GFM2: variants seen among roughly 807,000 people sequenced by gnomAD.
The protein encoded by GFM2 is ribosome-releasing factor 2, mitochondrial.
Under a neutral mutation model 95.4 loss-of-function variants are expected in GFM2, and 72 were observed. That is an observed-to-expected ratio of 0.76 (90% confidence interval 0.62 to 0.92). The LOEUF is 0.92. Ranked by LOEUF, GFM2 falls within the 40% of genes least tolerant of loss-of-function variation. GFM2 has a pLI of 0.00. For synonymous variants in GFM2, 276 were observed against 317.5 expected (o/e 0.87, Z 1.39); for missense variants, 825 against 924.1 (o/e 0.89, Z 1.39).
chr5:74,763,362 A>G (rs993858339), intron 2 of GFM2, among the ~76,000 whole-genome samples: 2 of 152,246 alleles, frequency 1.3e-5, no homozygotes, highest in Non-Finnish European at 2.9e-5. Context: ...ATTTGTTAGT[A>G]GTTTAAAGAT....
chr5:74,738,786 CTT>C, intron 12 of GFM2, 144 bp from the exon 13 acceptor site: 1 of 664,852 alleles, frequency 1.5e-6, no homozygotes, highest in South Asian at 2.7e-5. Context: ...ACGTAACTCT[CTT>C]CTTCCATTGA....
chr5:74,762,778 T>C (rs569368415), intron 2 of GFM2, among the ~76,000 whole-genome samples: 18 of 152,352 alleles, frequency 1.2e-4, no homozygotes, highest in African/African-American at 2.9e-4. Context: ...GTGGATATGC[T>C]GGGCAAAGGA....
chr5:74,738,465 C>CATACAGTTTTATAAA, intron 13 of GFM2, 37 bp downstream of exon 13: 2 of 1,610,356 alleles, frequency 1.2e-6, no homozygotes, highest in Non-Finnish European at 1.7e-6. Context: ...TAAAGAAGTG[C>CATACAGTTTTATAAA]ATACAGTTTT....
chr5:74,758,737 A>G (rs1744121906), intron 5 of GFM2, 112 bp downstream of exon 5: 1 of 661,168 alleles, frequency 1.5e-6, no homozygotes, highest in East Asian at 2.6e-5. Flanking sequence ...TGGATTAGAC[A>G]TCAGTAGCTC....
chr5:74,753,212 A>G (rs1259821596), intron 5 of GFM2, among the ~76,000 whole-genome samples: 1 of 152,234 alleles, frequency 6.6e-6, no homozygotes, highest in Non-Finnish European at 1.5e-5. Context: ...CAGCATAAAT[A>G]AACAATCACA....
intron 11 of GFM2, among the ~76,000 whole-genome samples, chr5:74,740,783 CT>C (rs368837264): frequency 6.6e-6 from 1 of 152,100 alleles, no homozygotes; most frequent in Non-Finnish European, 1.5e-5. Flanking sequence ...AGAAAAAATA[CT>C]TTTTTTCATT....
At chr5:74,746,976 T>TA (rs2112301997) in intron 8 of GFM2, among the ~76,000 whole-genome samples, 1 of 152,144 alleles carries the variant, frequency 6.6e-6, no homozygotes, top group East Asian at 1.9e-4. Context: ...TTAGGGGAGG[T>TA]ATAGTTTATG....
At position 74,721,761 on chromosome 5, in the gene GFM2, G is replaced by A. The variant is rs745914130; in HGVS notation, c.2234C>T (p.Thr745Met). The change falls in exon 21 of 21, where the codon ACG (threonine) becomes ATG (methionine). Residue 745 changes from threonine to methionine, a missense_variant. Coordinates refer to ENST00000296805, the MANE Select transcript of GFM2 (RefSeq NM_032380.5). ...EIMGYSTVLR[T>M]LTSGSATFAL... ...AAAAGTAGCTGAGCCTGATGTTAGC[G>A]TTCGAAGCACAGTTGAATAACCCTA... 3.7e-6 allele frequency: 6 copies of A among 1,612,870 alleles called. No individual in the cohort carries two copies. The highest frequency in any genetic ancestry group is 1.7e-5 in the Admixed American group (1 of 59,804).
At chr5:74,758,466 A>C (rs1399413500) in intron 5 of GFM2, among the ~76,000 whole-genome samples, 1 of 152,158 alleles carries the variant, frequency 6.6e-6, no homozygotes, top group African/African-American at 2.4e-5. Flanking sequence ...GGCTCCTATG[A>C]ATCTTGTCAC....
chr5:74,730,457 C>A, intron 16 of GFM2, 59 bp from the exon 17 acceptor site: 1 of 1,205,414 alleles, frequency 8.3e-7, no homozygotes, highest in Non-Finnish European at 1.1e-6. Context: ...TTGCAGAATA[C>A]TATATAAAAG....
intron 5 of GFM2, among the ~76,000 whole-genome samples, chr5:74,757,001 C>A (rs1744021129): frequency 6.6e-6 from 1 of 152,082 alleles, no homozygotes; most frequent in Admixed American, 6.6e-5. Flanking sequence ...GCACCAAAAT[C>A]TCAGAAACCA....
intron 15 of GFM2, chr5:74,736,317 A>G (rs1742831307): frequency 1.0e-6 from 1 of 963,324 alleles, no homozygotes; most frequent in African/African-American, 1.8e-5. Flanking sequence ...GAAGCCACTG[A>G]AAAAAATCTG....
chr5:74,744,590 T>C (rs1445806424), intron 10 of GFM2, among the ~76,000 whole-genome samples: 1 of 152,188 alleles, frequency 6.6e-6, no homozygotes, highest in African/African-American at 2.4e-5. Flanking sequence ...AGATTATAAT[T>C]TTGAAGGTGG....
chr5:74,741,651 T>A, intron 10 of GFM2, 42 bp from the exon 11 acceptor site: 1 of 1,012,386 alleles, frequency 9.9e-7, no homozygotes, highest in South Asian at 1.5e-5. Context: ...TGCATTTACT[T>A]TCATTAACTA....
Position 74,721,640 on chromosome 5 carries a change from C to A in GFM2, c.*15G>T, listed in dbSNP as rs1299433569. 1 of 1,604,448 alleles carries A rather than the reference C, an allele frequency of 6.2e-7. No homozygotes were observed. On this transcript the variant is annotated 3_prime_UTR_variant, in exon 21 of 21. Transcript: ENST00000296805. ...AGCTAGGTGCTCCTGAATTTCTCTCCAAAAACTAAAACATTTAGGTCAAAC... is the reference window on the plus strand; with the variant it reads ...AGCTAGGTGCTCCTGAATTTCTCTCAAAAAACTAAAACATTTAGGTCAAAC...
intron 10 of GFM2, 199 bp from the exon 11 acceptor site, chr5:74,741,808 C>G: frequency 2.6e-6 from 1 of 387,778 alleles, no homozygotes; most frequent in Non-Finnish European, 4.7e-6. Flanking sequence ...ACTAAAGATA[C>G]TATTAGGAGT....
intron 5 of GFM2, among the ~76,000 whole-genome samples, chr5:74,755,341 T>A (rs1743925638): frequency 6.6e-6 from 1 of 152,050 alleles, no homozygotes; most frequent in South Asian, 2.1e-4. Context: ...AAAGGAACCC[T>A]CAAAATCATG....
At chr5:74,762,085 A>T (rs1380869566) in intron 2 of GFM2, among the ~76,000 whole-genome samples, 1 of 152,220 alleles carries the variant, frequency 6.6e-6, no homozygotes, top group African/African-American at 2.4e-5. Flanking sequence ...ACTTAATGAG[A>T]TCACAAATGG....
intron 12 of GFM2, 96 bp from the exon 13 acceptor site, chr5:74,738,738 AG>A (rs1215958410): frequency 1.7e-6 from 2 of 1,207,596 alleles, no homozygotes; most frequent in African/African-American, 3.1e-5. Flanking sequence ...TTTATCTTCT[AG>A]TAGAGCTACT....
Sources: allele counts gnomAD v4.1 joint callset (sites outside exome capture counted in the v4.1 genomes callset), GRCh38; gene constraint gnomAD v4.1.1; transcripts MANE v1.5; gene names NCBI Gene and HGNC (gene_info 2026-07-23, HGNC 2026-07-21).